PHF14: variants seen among roughly 807,000 people sequenced by gnomAD.
PHF14 encodes PHD finger protein 14.
Under a neutral mutation model 117.9 loss-of-function variants are expected in PHF14, and 55 were observed. The ratio of observed to expected loss-of-function variants is 0.47; its 90% CI spans 0.38 to 0.58. The LOEUF is 0.58. Ranked by LOEUF, PHF14 falls within the 20% of genes least tolerant of loss-of-function variation. The pLI is 0.00. For synonymous variants in PHF14, 409 were observed against 368.6 expected (o/e 1.11, Z -1.26); for missense variants, 978 against 1,122.2 (o/e 0.87, Z 1.84).
chr7:11,037,178 T>C (rs1784344497), intron 10 of PHF14, 87 bp downstream of exon 10: 3 of 1,225,394 alleles, frequency 2.4e-6, no homozygotes, highest in Non-Finnish European at 3.3e-6. Context: ...TTTTATGTTT[T>C]GTTTTTAATT....
At chr7:11,106,252 A>G in intron 16 of PHF14, 2 of 969,030 alleles carry the variant, frequency 2.1e-6, no homozygotes, top group Non-Finnish European at 2.5e-6. Flanking sequence ...TATTTTTCTA[A>G]TTTTTTAAAA....
intron 4 of PHF14, among the ~76,000 whole-genome samples, 196 bp from the exon 5 acceptor site, chr7:11,013,551 T>G (rs1030979454): frequency 6.6e-6 from 1 of 152,198 alleles, no homozygotes; most frequent in Non-Finnish European, 1.5e-5. Context: ...AAAATGTCAT[T>G]TATTTCATTG....
chr7:11,016,592 A>G (rs1783543329), intron 5 of PHF14, among the ~76,000 whole-genome samples: 1 of 151,916 alleles, frequency 6.6e-6, no homozygotes, highest in Non-Finnish European at 1.5e-5. Flanking sequence ...TTTATTTTTT[A>G]TTTATAGTTT....
chr7:11,040,161 G>C (rs1784453485), intron 11 of PHF14, among the ~76,000 whole-genome samples: 1 of 151,902 alleles, frequency 6.6e-6, no homozygotes, highest in Non-Finnish European at 1.5e-5. Context: ...GGGCCCACCA[G>C]GCCACTGAGA....
intron 16 of PHF14, chr7:11,108,794 TCAA>T (rs1321567799): frequency 6.6e-6 from 1 of 151,760 alleles, no homozygotes; most frequent in African/African-American, 2.4e-5. Context: ...CATAGCTATA[TCAA>T]CAAGAATTAT....
chr7:11,125,031 C>T (rs1358258928), intron 17 of PHF14, among the ~76,000 whole-genome samples: 1 of 152,056 alleles, frequency 6.6e-6, no homozygotes, highest in Non-Finnish European at 1.5e-5. Flanking sequence ...CTCAACTCCT[C>T]AGGGCCCTTT....
chr7:11,073,502 G>C (rs1785704073), intron 16 of PHF14, among the ~76,000 whole-genome samples: 2 of 152,216 alleles, frequency 1.3e-5, no homozygotes, highest in African/African-American at 4.8e-5. Flanking sequence ...TGCTGCTGTG[G>C]CTTTCCAGGA....
chr7:11,155,787 A>G (rs991258323), intron 17 of PHF14, among the ~76,000 whole-genome samples: 2 of 149,888 alleles, frequency 1.3e-5, no homozygotes, highest in South Asian at 2.1e-4. Context: ...TTTTTTAGCA[A>G]CTAGCACAGT....
At chr7:10,981,163 T>G (rs970913397) in intron 2 of PHF14, among the ~76,000 whole-genome samples, 5 of 152,190 alleles carry the variant, frequency 3.3e-5, no homozygotes, top group Non-Finnish European at 5.9e-5. Context: ...TCAATTTTAG[T>G]GCTTAGTTAA....
At chr7:10,996,961 A>G (rs1253695685) in intron 4 of PHF14, among the ~76,000 whole-genome samples, 2 of 152,204 alleles carry the variant, frequency 1.3e-5, no homozygotes, top group Non-Finnish European at 2.9e-5. Context: ...TGGACAGAGT[A>G]GGTATCACCA....
At chr7:11,134,144 C>T (rs1452928856) in intron 17 of PHF14, among the ~76,000 whole-genome samples, 1 of 151,860 alleles carries the variant, frequency 6.6e-6, no homozygotes, top group Non-Finnish European at 1.5e-5. Flanking sequence ...TTTTTTTGGG[C>T]AGCGTTCTAA....
chr7:11,104,096 A>C, intron 16 of PHF14: 1 of 984,722 alleles, frequency 1.0e-6, no homozygotes, highest in Non-Finnish European at 1.2e-6. Flanking sequence ...GTGAGAAATT[A>C]CTCGCAGTTG....
chr7:11,018,092 G>C (rs936465870), intron 5 of PHF14, among the ~76,000 whole-genome samples: 1 of 152,112 alleles, frequency 6.6e-6, no homozygotes, highest in African/African-American at 2.4e-5. Flanking sequence ...ATTTGTTTCT[G>C]AGTTCTGTAT....
At chr7:11,163,883 C>T (rs1355342579) in intron 17 of PHF14, among the ~76,000 whole-genome samples, 1 of 152,116 alleles carries the variant, frequency 6.6e-6, no homozygotes, top group Non-Finnish European at 1.5e-5. Context: ...AGTAGTGTAT[C>T]TGTTTTTCTT....
chr7:11,148,516 A>G (rs1317716560), intron 17 of PHF14, among the ~76,000 whole-genome samples: 1 of 152,148 alleles, frequency 6.6e-6, no homozygotes, highest in Admixed American at 6.5e-5. Context: ...TACCTTGCCT[A>G]AGAGAACATG....
At position 10,977,504 on chromosome 7, in the gene PHF14, C is replaced by G. The variant is rs151168017; in HGVS notation, c.112+2559C>G. ...ACATTTGCAGATAAACATAATTTAA[C>G]TCTATCATAAAATAGAAACAAATCA... On this transcript the variant is annotated intron_variant, in intron 2 of 17. Transcript: ENST00000634607. Among the ~76,000 whole-genome samples, 473 of 152,142 alleles carry G rather than the reference C, an allele frequency of 3.1e-3. 3 individuals are homozygous for G. Among genetic ancestry groups the G allele is most frequent in the African/African-American group, 0.011 (460 of 41,542 alleles).
intron 6 of PHF14, among the ~76,000 whole-genome samples, chr7:11,023,906 A>G (rs981455237): frequency 1.3e-5 from 2 of 152,358 alleles, no homozygotes; most frequent in Middle Eastern, 3.4e-3. Flanking sequence ...GAAGAGTCAT[A>G]CATCTGTCAC....
chr7:11,117,564 A>G (rs889386140), intron 17 of PHF14, among the ~76,000 whole-genome samples: 2 of 85,448 alleles, frequency 2.3e-5, no homozygotes, highest in Admixed American at 1.5e-4. Context: ...TTCTATAACT[A>G]TGCCCAAACG....
At chr7:11,165,156 C>A (rs1789165714) in intron 17 of PHF14, among the ~76,000 whole-genome samples, 2 of 152,214 alleles carry the variant, frequency 1.3e-5, no homozygotes, top group African/African-American at 2.4e-5. Flanking sequence ...GTCTCTTGAC[C>A]TTGTGATCCG....
Sources: gnomAD v4.1 joint callset for allele counts (sites outside exome capture counted in the v4.1 genomes callset) on GRCh38, gnomAD v4.1.1 for gene constraint, MANE v1.5 for transcripts, NCBI Gene and HGNC (gene_info 2026-07-23, HGNC 2026-07-21) for gene names.